The following ANK2 variants were observed in gnomAD, a reference collection of about 807,000 sequenced individuals.
ANK2 encodes the protein ankyrin 2.
In ANK2, 83 loss-of-function variants were observed where a neutral mutation model predicts 360.5. That is an observed-to-expected ratio of 0.23 (90% CI 0.19 to 0.28). ANK2 has a LOEUF of 0.28. Among genes scored for constraint, ANK2 ranks in the 10% least tolerant of loss-of-function variants. The probability of loss-of-function intolerance (pLI) is 1.00; values close to 1 mark genes in which losing one functional copy is unlikely to be tolerated. For missense variants in ANK2, 4,201 were observed against 4,795.7 expected, an observed-to-expected ratio of 0.88 and a Z score of 3.66; for synonymous variants, 1,740 against 1,759.5, an observed-to-expected ratio of 0.99 and a Z score of 0.28.
At chr4:113,149,227 G>A (rs1177027412) in intron 1 of ANK2, 5 of 152,120 alleles carry the variant, frequency 3.3e-5, no homozygotes, top group Non-Finnish European at 1.5e-5. Flanking sequence ...ATCAGATTGA[G>A]GATGTATTTT....
chr4:113,350,271 A>G (rs1265783713), intron 37 of ANK2, 22 bp downstream of exon 37: 1 of 1,595,666 alleles, frequency 6.3e-7, no homozygotes, highest in African/African-American at 1.3e-5. Context: ...AAGAAAATTG[A>G]GTTTGTTTGA....
intron 1 of ANK2, among the ~76,000 whole-genome samples, chr4:112,838,655 G>A (rs1230642784): frequency 6.6e-6 from 1 of 152,188 alleles, no homozygotes; most frequent in East Asian, 1.9e-4. Context: ...ATCACCTGAG[G>A]TCAGGAGTTC....
chr4:113,269,460 T>C, intron 14 of ANK2, among the ~76,000 whole-genome samples: 1 of 152,222 alleles, frequency 6.6e-6, no homozygotes, highest in East Asian at 1.9e-4. Flanking sequence ...GGGAAATGCG[T>C]AGTATCTGGG....
the ANK2 span, among the ~76,000 whole-genome samples, chr4:112,762,665 A>G: frequency 6.6e-6 from 1 of 152,104 alleles, no homozygotes; most frequent in Non-Finnish European, 1.5e-5. Flanking sequence ...CTGCGCCACC[A>G]TGCCCGGCTA....
intron 2 of ANK2, among the ~76,000 whole-genome samples, chr4:112,959,217 A>T (rs1178957885): frequency 6.6e-6 from 1 of 152,132 alleles, no homozygotes; most frequent in African/African-American, 2.4e-5. Context: ...TGTACTCATC[A>T]CTGGAATAGT....
chr4:112,878,850 C>G (rs1385365894), intron 1 of ANK2, among the ~76,000 whole-genome samples: 1 of 151,724 alleles, frequency 6.6e-6, no homozygotes, highest in Non-Finnish European at 1.5e-5. Flanking sequence ...GTCTCGATCT[C>G]CTGACCTCGT....
At chr4:113,035,121 A>G (rs747527669) in intron 2 of ANK2, among the ~76,000 whole-genome samples, 2 of 151,704 alleles carry the variant, frequency 1.3e-5, no homozygotes, top group Non-Finnish European at 2.9e-5. Context: ...AACAGATACC[A>G]AGAGTGGCTT....
rs201751695 is a variant in ANK2 at position 113,352,993 on chromosome 4, A to G, written c.4427-52A>G. 839 of 1,592,248 alleles carry G rather than the reference A, an allele frequency of 5.3e-4. 1 individual carries two copies. Among genetic ancestry groups the G allele is most frequent in the Non-Finnish European group, 6.8e-4 (789 of 1,167,354 alleles). Reference sequence around the variant, plus strand: ...GTTTCAGTCCTGATTACATTTGCCAATATCTTTTTTGATTTCCATTTTACT... The same window carrying G: ...GTTTCAGTCCTGATTACATTTGCCAGTATCTTTTTTGATTTCCATTTTACT... On this transcript the variant is annotated intron_variant, in intron 37 of 45. Transcript: ENST00000357077.
intron 2 of ANK2, among the ~76,000 whole-genome samples, chr4:113,029,950 G>A (rs550976428): frequency 6.6e-6 from 1 of 152,162 alleles, no homozygotes; most frequent in Non-Finnish European, 1.5e-5. Context: ...TTTGACATTG[G>A]AATGTATAAT....
At chr4:113,251,552 G>A (rs186823705) in intron 10 of ANK2, among the ~76,000 whole-genome samples, 7 of 137,826 alleles carry the variant, frequency 5.1e-5, no homozygotes, top group East Asian at 4.2e-4. Flanking sequence ...GCACGATCTC[G>A]GCTCACTGCA....
chr4:113,291,803 C>T (rs2067786499), intron 20 of ANK2, among the ~76,000 whole-genome samples: 2 of 152,134 alleles, frequency 1.3e-5, no homozygotes, highest in East Asian at 1.9e-4. Context: ...GAACCTCGCC[C>T]GATTGTGGAG....
rs28682995 is a variant in ANK2, at chr4:113,174,132, T to A, written c.85-284T>A. ...GAGGCTAGCATCAACACGTCTTCAA[T>A]TGTGGCTGAAGATTTAGAATAAAGC... On this transcript the variant is annotated intron_variant, in intron 1 of 45. Transcript: ENST00000357077. 351 of 350,628 alleles carry A rather than the reference T, an allele frequency of 1.0e-3. 2 individuals carry two copies. The highest frequency in any genetic ancestry group is 7.0e-3 in the African/African-American group (331 of 47,002). The allele number at this position is 350,628 out of a possible 1,614,324, so 21.7% of individuals were successfully genotyped here. A position where few individuals can be genotyped will look rare whatever the true frequency, so the allele number is the denominator to read the frequency against.
chr4:112,992,672 C>T (rs1221687919), intron 2 of ANK2, among the ~76,000 whole-genome samples: 4 of 152,150 alleles, frequency 2.6e-5, no homozygotes, highest in Non-Finnish European at 5.9e-5. Flanking sequence ...AAAAAACAAG[C>T]TCTTGGTGTC....
intron 1 of ANK2, among the ~76,000 whole-genome samples, chr4:113,139,285 A>G (rs1387421059): frequency 6.6e-6 from 1 of 152,190 alleles, no homozygotes; most frequent in Non-Finnish European, 1.5e-5. Flanking sequence ...TGCATCATTT[A>G]TTTTAAAATC....
the ANK2 span, among the ~76,000 whole-genome samples, chr4:112,753,550 G>A: frequency 6.6e-6 from 1 of 152,146 alleles, no homozygotes; most frequent in East Asian, 1.9e-4. Context: ...GGCATTCCTA[G>A]TCACAGGGTG....
In ANK2 at chr4:113,347,703, C is replaced by T. The variant is rs111359223; in HGVS notation, c.4372-573C>T. 9.4e-3 allele frequency: 1,452 copies of T among 154,304 alleles called. 25 individuals are homozygous for T. The highest frequency in any genetic ancestry group is 0.033 in the African/African-American group (1,368 of 41,400). The allele number at this position is 154,304 out of a possible 1,614,324, so 9.6% of individuals were successfully genotyped here. ...GTAGCTCTTGGCTGGGCACCATGGC[C>T]CACACCTGTAATCCCAGCACTTTGG... is the stretch of plus-strand genomic sequence containing the variant. On this transcript the variant is annotated intron_variant, in intron 35 of 45. Transcript: ENST00000357077.
chr4:112,909,605 C>A (rs2086398265), intron 2 of ANK2, among the ~76,000 whole-genome samples: 1 of 151,916 alleles, frequency 6.6e-6, no homozygotes, highest in Admixed American at 6.6e-5. Flanking sequence ...TCTTTTCTGT[C>A]CTTATATGAA....
At chr4:112,744,632 G>A in the ANK2 span, among the ~76,000 whole-genome samples, 2 of 152,290 alleles carry the variant, frequency 1.3e-5, no homozygotes, top group East Asian at 1.9e-4. Flanking sequence ...TTACAGGCAT[G>A]AGCCACCACG....
chr4:112,765,032 AT>A, the ANK2 span, among the ~76,000 whole-genome samples: 1 of 152,192 alleles, frequency 6.6e-6, no homozygotes, highest in Non-Finnish European at 1.5e-5. Context: ...TAAGCACTTT[AT>A]AAATATTAAC....
Sources: allele counts gnomAD v4.1 joint callset (sites outside exome capture counted in the v4.1 genomes callset), GRCh38; gene constraint gnomAD v4.1.1; transcripts MANE v1.5; gene names NCBI Gene and HGNC (gene_info 2026-07-23, HGNC 2026-07-21).